PDS5B: variants seen among roughly 807,000 people sequenced by gnomAD.
The protein encoded by PDS5B is PDS5 cohesin associated factor B, also known as sister chromatid cohesion protein PDS5 homolog B.
In PDS5B, 51 loss-of-function variants were observed where a neutral mutation model predicts 184.1. That is an observed-to-expected ratio of 0.28 (90% CI 0.22 to 0.35). The LOEUF (loss-of-function observed/expected upper bound fraction) is 0.35. Among genes scored for constraint, PDS5B ranks in the 10% least tolerant of loss-of-function variants. The pLI is 1.00. For missense variants in PDS5B, 1,180 were observed against 1,723.3 expected (o/e 0.68, Z 5.58); for synonymous variants, 566 against 569.2 (o/e 0.99, Z 0.08).
intron 13 of PDS5B, among the ~76,000 whole-genome samples, chr13:32,691,704 A>G (rs1951554927): frequency 6.6e-6 from 1 of 152,126 alleles, no homozygotes; most frequent in Non-Finnish European, 1.5e-5. Flanking sequence ...TGGGCAACCA[A>G]GGTTCATAAT....
chr13:32,682,272 A>T (rs1218627946), intron 10 of PDS5B, among the ~76,000 whole-genome samples: 2 of 152,170 alleles, frequency 1.3e-5, no homozygotes, highest in South Asian at 4.1e-4. Flanking sequence ...ATGATGCCAA[A>T]AAGTCCCCCT....
chr13:32,708,672 A>G (rs1566355076), intron 18 of PDS5B, among the ~76,000 whole-genome samples: 1 of 152,168 alleles, frequency 6.6e-6, no homozygotes, highest in Non-Finnish European at 1.5e-5. Context: ...AGCAAAAATA[A>G]TGTTTTAATT....
At chr13:32,719,715 T>C (rs928513978) in intron 19 of PDS5B, among the ~76,000 whole-genome samples, 2 of 151,890 alleles carry the variant, frequency 1.3e-5, no homozygotes, top group African/African-American at 4.8e-5. Flanking sequence ...GAAACACAAA[T>C]GATATGCTGG....
At chr13:32,590,138 G>C (rs1374337625) in intron 1 of PDS5B, among the ~76,000 whole-genome samples, 2 of 152,138 alleles carry the variant, frequency 1.3e-5, no homozygotes, top group African/African-American at 4.8e-5. Context: ...ATAATAAGTA[G>C]TAATTAAAAA....
At chr13:32,720,210 A>G (rs1221300341) in intron 19 of PDS5B, among the ~76,000 whole-genome samples, 1 of 152,246 alleles carries the variant, frequency 6.6e-6, no homozygotes, top group Non-Finnish European at 1.5e-5. Flanking sequence ...TCAGCCTTCC[A>G]AATCATGAAA....
intron 3 of PDS5B, among the ~76,000 whole-genome samples, chr13:32,653,301 A>C (rs1055551306): frequency 5.3e-5 from 8 of 152,180 alleles, no homozygotes; most frequent in Non-Finnish European, 1.0e-4. Flanking sequence ...CAAAACAAAA[A>C]AAAGATAATT....
In PDS5B at chr13:32,659,147, A is replaced by G. The variant is rs1950585177; in HGVS notation, c.498-7A>G. The G allele has an allele frequency of 3.3e-6, 5 of 1,526,584 alleles. No homozygotes were observed. The highest frequency in any genetic ancestry group is 4.4e-6 in the Non-Finnish European group (5 of 1,125,526). 94.6% of individuals were successfully genotyped at this position (1,526,584 alleles called of 1,614,324 possible). ...GTAATTGAAACAAAATCTGTTTTGA[A>G]TTGCAGCAATGGCCACAATCAGAAA... On this transcript the variant is annotated splice_polypyrimidine_tract_variant and splice_region_variant and intron_variant, in intron 5 of 34. Coordinates refer to ENST00000315596, the MANE Select transcript of PDS5B (RefSeq NM_015032.4).
intron 1 of PDS5B, among the ~76,000 whole-genome samples, chr13:32,632,931 G>A (rs1328538621): frequency 1.3e-5 from 2 of 151,930 alleles, no homozygotes; most frequent in African/African-American, 2.4e-5. Context: ...GTGAAACCCC[G>A]TCTCTACTAA....
Position 32,694,298 on chromosome 13 carries a change from A to G in PDS5B, c.1545A>G (p.Gln515=), listed in dbSNP as rs765170186. 6.3e-7 allele frequency: 1 copy of G among 1,586,472 alleles called. No homozygotes were observed. Among genetic ancestry groups the G allele is most frequent in the Admixed American group, 1.8e-5 (1 of 55,310 alleles). The change falls in exon 14 of 35, where the codon CAA becomes CAG. Residue 515 remains glutamine, a synonymous_variant. Coordinates refer to ENST00000315596, the MANE Select transcript of PDS5B (RefSeq NM_015032.4). The part of the protein sequence containing the change: ...QVKDLLDLIK[Q]PKTDASVKAI... ...AGGATTTGCTTGACTTGATTAAGCA[A>G]CCCAAAGTAAGTAAGAATTTTTTCC...
chr13:32,714,490 G>A (rs1006828775), intron 19 of PDS5B, among the ~76,000 whole-genome samples: 4 of 152,096 alleles, frequency 2.6e-5, no homozygotes, highest in Non-Finnish European at 5.9e-5. Context: ...ATAAGCCTAG[G>A]AGCGCTATGG....
chr13:32,758,531 C>T lies in PDS5B; in HGVS notation c.3190-3C>T, dbSNP rs1954266483. ...CTGTGTTTTTAAAAATATACTATTG[C>T]AGAAACTGTACACTGTGTGTGATGT... On this transcript the variant is annotated splice_polypyrimidine_tract_variant and splice_region_variant and intron_variant, in intron 27 of 34. Transcript: ENST00000315596. 1.9e-6 allele frequency: 3 copies of T among 1,607,534 alleles called. No individual in the cohort carries two copies. The highest frequency in any genetic ancestry group is 2.2e-5 in the East Asian group (1 of 44,800).
At chr13:32,652,261 C>G in intron 3 of PDS5B, 1 of 312,768 alleles carries the variant, frequency 3.2e-6, no homozygotes, top group Non-Finnish European at 5.8e-6. Flanking sequence ...CTGTTTCTTT[C>G]ATTATAATTT....
At chr13:32,619,255 G>A (rs926995806) in intron 1 of PDS5B, among the ~76,000 whole-genome samples, 1 of 152,126 alleles carries the variant, frequency 6.6e-6, no homozygotes, top group African/African-American at 2.4e-5. Flanking sequence ...CTTAACAACA[G>A]GGGTACATTC....
intron 19 of PDS5B, among the ~76,000 whole-genome samples, chr13:32,725,919 A>C (rs1952883701): frequency 6.6e-6 from 1 of 152,186 alleles, no homozygotes; most frequent in East Asian, 1.9e-4. Context: ...TTCCCATTTT[A>C]AAGTTATTTG....
intron 13 of PDS5B, among the ~76,000 whole-genome samples, chr13:32,692,335 T>C (rs1342176505): frequency 5.9e-5 from 9 of 151,364 alleles, no homozygotes; most frequent in Non-Finnish European, 1.5e-5. Flanking sequence ...AGAACTCCTA[T>C]TAGCGACAGT....
intron 14 of PDS5B, 58 bp from the exon 15 acceptor site, chr13:32,696,796 A>G (rs1361868676): frequency 1.2e-5 from 15 of 1,202,742 alleles, no homozygotes; most frequent in Non-Finnish European, 1.8e-5. Flanking sequence ...TTTGCAGAGT[A>G]TGATGAAGTT....
intron 9 of PDS5B, among the ~76,000 whole-genome samples, chr13:32,678,426 A>G (rs139296783): frequency 3.3e-5 from 5 of 152,302 alleles, no homozygotes; most frequent in East Asian, 3.9e-4. Context: ...TGAATGCCCT[A>G]TATTTAAAAG....
intron 31 of PDS5B, among the ~76,000 whole-genome samples, chr13:32,769,438 G>A (rs189023087): frequency 1.3e-5 from 2 of 152,272 alleles, no homozygotes; most frequent in Admixed American, 1.3e-4. Flanking sequence ...TTGGGTCTTT[G>A]GAGAATTTCT....
chr13:32,651,305 T>A (rs1950361205), intron 2 of PDS5B, among the ~76,000 whole-genome samples: 2 of 152,232 alleles, frequency 1.3e-5, no homozygotes. Flanking sequence ...GGGATGCATC[T>A]TTGACATCCT....
Sources: gnomAD v4.1 joint callset for allele counts (sites outside exome capture counted in the v4.1 genomes callset) on GRCh38, gnomAD v4.1.1 for gene constraint, MANE v1.5 for transcripts, NCBI Gene and HGNC (gene_info 2026-07-23, HGNC 2026-07-21) for gene names.